Variants in SIPA1L1 observed in about 807,000 individuals in gnomAD.
SIPA1L1 encodes signal induced proliferation associated 1 like 1.
Under a neutral mutation model 162.7 loss-of-function variants are expected in SIPA1L1, and 26 were observed. The ratio of observed to expected loss-of-function variants is 0.16; its 90% CI spans 0.12 to 0.22. The LOEUF is 0.22. Ranked by LOEUF, SIPA1L1 falls within the 10% of genes least tolerant of loss-of-function variation. The pLI is 1.00. For missense variants in SIPA1L1, 1,874 were observed against 2,241.0 expected (o/e 0.84, Z 3.31); for synonymous variants, 829 against 837.4 (o/e 0.99, Z 0.17).
intron 2 of SIPA1L1, among the ~76,000 whole-genome samples, chr14:71,397,364 C>A (rs1050809571): frequency 6.6e-6 from 1 of 152,076 alleles, no homozygotes; most frequent in African/African-American, 2.4e-5. Flanking sequence ...CCAGTCATGT[C>A]TCACCTAAAA....
chr14:71,335,062 A>G (rs1320192504), intron 2 of SIPA1L1, among the ~76,000 whole-genome samples: 1 of 152,122 alleles, frequency 6.6e-6, no homozygotes, highest in Non-Finnish European at 1.5e-5. Context: ...GCGCTTTGGG[A>G]GGCTGAGGCG....
chr14:71,332,657 C>T (rs1054317641), intron 2 of SIPA1L1, among the ~76,000 whole-genome samples: 2 of 152,142 alleles, frequency 1.3e-5, no homozygotes, highest in Non-Finnish European at 2.9e-5. Context: ...CCAAAAGAAT[C>T]TGGAAAGCTA....
At chr14:71,578,406 G>A (rs1041188786) in intron 4 of SIPA1L1, among the ~76,000 whole-genome samples, 4 of 152,052 alleles carry the variant, frequency 2.6e-5, no homozygotes, top group Non-Finnish European at 5.9e-5. Flanking sequence ...TTCTTCATTC[G>A]TAAAATGGAG....
intron 7 of SIPA1L1, among the ~76,000 whole-genome samples, chr14:71,643,033 A>G (rs1331940135): frequency 2.0e-5 from 3 of 152,098 alleles, no homozygotes; most frequent in African/African-American, 7.2e-5. Flanking sequence ...CCTAATATTC[A>G]TATAATTGGA....
intron 21 of SIPA1L1, 37 bp from the exon 22 acceptor site, chr14:71,735,240 T>C (rs1036558365): frequency 7.0e-7 from 1 of 1,436,090 alleles, no homozygotes; most frequent in African/African-American, 1.4e-5. Context: ...AGGGATGTGG[T>C]TCCAAAATAC....
intron 2 of SIPA1L1, among the ~76,000 whole-genome samples, chr14:71,348,356 G>T (rs1450867448): frequency 2.0e-5 from 3 of 152,156 alleles, no homozygotes; most frequent in Non-Finnish European, 2.9e-5. Flanking sequence ...GTAGAAATGG[G>T]ATTTTACAGC....
rs2054904953 is a variant in SIPA1L1, at chr14:71,544,223, A to G, written c.-303+14853A>G. 1.3e-5 allele frequency among the ~76,000 whole-genome samples: 2 copies of G among 149,050 alleles called. 1 individual carries two copies. Among genetic ancestry groups the G allele is most frequent in the South Asian group, 4.2e-4 (2 of 4,760 alleles). On this transcript the variant is annotated intron_variant, in intron 4 of 23. Coordinates refer to ENST00000381232, the MANE Select transcript of SIPA1L1 (RefSeq NM_001386936.1). ...CATGTATGCACATGCATGTGTATAT[A>G]CATATATCATGTATGTATACACATA...
rs565904922 is a variant in SIPA1L1, at chr14:71,532,850, T to A, written c.-303+3480T>A. Among the ~76,000 whole-genome samples the A allele has an allele frequency of 6.6e-5, 10 of 152,368 alleles. No homozygotes were observed. In the South Asian group the frequency reaches 1.7e-3, roughly 25 times the overall value. On this transcript the variant is annotated intron_variant, in intron 4 of 23. Coordinates refer to ENST00000381232, the MANE Select transcript of SIPA1L1 (RefSeq NM_001386936.1). ...GGAGATTCCTCCATGGTTCCCATAC[T>A]ATTTTCCTTTGTGAGAAGGTAGGAA... is the stretch of plus-strand genomic sequence containing the variant.
At chr14:71,403,062 A>G (rs954523090) in intron 2 of SIPA1L1, among the ~76,000 whole-genome samples, 1 of 152,144 alleles carries the variant, frequency 6.6e-6, no homozygotes, top group Non-Finnish European at 1.5e-5. Context: ...AATTATATAT[A>G]TTGAAATATG....
intron 2 of SIPA1L1, among the ~76,000 whole-genome samples, chr14:71,383,868 GA>G (rs1330554575): frequency 1.3e-5 from 2 of 152,148 alleles, no homozygotes; most frequent in Non-Finnish European, 2.9e-5. Flanking sequence ...ATTTCAACAG[GA>G]GATTTGGAAG....
At chr14:71,527,883 T>C (rs2053042587) in intron 3 of SIPA1L1, among the ~76,000 whole-genome samples, 1 of 152,194 alleles carries the variant, frequency 6.6e-6, no homozygotes, top group Non-Finnish European at 1.5e-5. Flanking sequence ...AGAGTTCTTA[T>C]CTTTCCTTTT....
chr14:71,505,602 TTGTC>T (rs2050599451), intron 2 of SIPA1L1, among the ~76,000 whole-genome samples: 1 of 152,164 alleles, frequency 6.6e-6, no homozygotes, highest in African/African-American at 2.4e-5. Context: ...TTTTCCATCT[TTGTC>T]TTGGCCTAGC....
At chr14:71,603,053 T>G (rs1416250940) in intron 5 of SIPA1L1, among the ~76,000 whole-genome samples, 1 of 152,192 alleles carries the variant, frequency 6.6e-6, no homozygotes, top group East Asian at 1.9e-4. Context: ...AGTGCAGATA[T>G]GTTTAGAATT....
At chr14:71,661,253 G>A in intron 9 of SIPA1L1, 57 bp from the exon 10 acceptor site, 1 of 1,572,116 alleles carries the variant, frequency 6.4e-7, no homozygotes, top group Non-Finnish European at 8.7e-7. Flanking sequence ...AGGGAATTGG[G>A]GTGGCGGGGG....
intron 17 of SIPA1L1, among the ~76,000 whole-genome samples, chr14:71,711,777 A>C (rs1327695183): frequency 1.3e-5 from 2 of 152,234 alleles, no homozygotes; most frequent in African/African-American, 4.8e-5. Context: ...TCTGCTTCTA[A>C]CTGGAAGAAT....
At chr14:71,571,282 G>T (rs2031952975) in intron 4 of SIPA1L1, among the ~76,000 whole-genome samples, 1 of 152,272 alleles carries the variant, frequency 6.6e-6, no homozygotes, top group Non-Finnish European at 1.5e-5. Flanking sequence ...TGTTCAGGTG[G>T]CCCAGTGTCC....
At chr14:71,529,733 CCATGATTGACT>C (rs1291092139) in intron 4 of SIPA1L1, among the ~76,000 whole-genome samples, 1 of 152,218 alleles carries the variant, frequency 6.6e-6, no homozygotes, top group African/African-American at 2.4e-5. Context: ...TCTGCCTTGT[CCATGATTGACT>C]CATGAACTCT....
chr14:71,343,483 A>G (rs2035858769), intron 2 of SIPA1L1, among the ~76,000 whole-genome samples: 1 of 152,170 alleles, frequency 6.6e-6, no homozygotes, highest in Non-Finnish European at 1.5e-5. Flanking sequence ...ACCGTCTTTG[A>G]TATTTTCCTC....
At chr14:71,519,275 GGCAACAGA>G (rs2052058361) in intron 3 of SIPA1L1, among the ~76,000 whole-genome samples, 1 of 151,908 alleles carries the variant, frequency 6.6e-6, no homozygotes, top group Non-Finnish European at 1.5e-5. Flanking sequence ...CTTCAGCCTG[GGCAACAGA>G]GTGAGAACCT....
Sources: allele counts gnomAD v4.1 joint callset (sites outside exome capture counted in the v4.1 genomes callset), GRCh38; gene constraint gnomAD v4.1.1; transcripts MANE v1.5; gene names NCBI Gene and HGNC (gene_info 2026-07-23, HGNC 2026-07-21).